Variants in TAF2 observed in about 807,000 individuals in gnomAD.
TAF2 encodes the protein TATA-box binding protein associated factor 2.
A neutral mutation model predicts 138.5 loss-of-function variants in TAF2; 61 were observed. The ratio of observed to expected loss-of-function variants is 0.44; its 90% CI spans 0.36 to 0.54. The LOEUF (loss-of-function observed/expected upper bound fraction) is 0.54, where lower values mean the gene tolerates loss of function less well. Ranked by LOEUF, TAF2 falls within the 20% of genes least tolerant of loss-of-function variation. TAF2 has a pLI of 0.00. For synonymous variants in TAF2, 475 were observed against 469.9 expected, an observed-to-expected ratio of 1.01 and a Z score of -0.14; for missense variants, 1,090 against 1,427.9, an observed-to-expected ratio of 0.76 and a Z score of 3.81.
Position 119,797,111 on chromosome 8 carries a change from T to G in TAF2, c.978-8A>C, listed in dbSNP as rs747656110. 7.0e-6 allele frequency: 11 copies of G among 1,581,846 alleles called. No individual in the cohort carries two copies. Among genetic ancestry groups the G allele is most frequent in the Middle Eastern group, 1.7e-4 (1 of 6,014 alleles). ...CTGTGTAAAAGATTTGTGCTGGAAT[T>G]TAAAAGAGAAGAAAGCTCATTATAA... On this transcript the variant is annotated splice_polypyrimidine_tract_variant and splice_region_variant and intron_variant, in intron 7 of 25. Coordinates refer to ENST00000378164, the MANE Select transcript of TAF2 (RefSeq NM_003184.4).
In TAF2 at chr8:119,779,176, T is replaced by C. The variant is rs1295237505; in HGVS notation, c.2254-1047A>G. 2.6e-5 allele frequency among the ~76,000 whole-genome samples: 4 copies of C among 152,002 alleles called. No homozygotes were observed. The East Asian group carries it at 7.7e-4, about 29-fold the overall frequency. On this transcript the variant is annotated intron_variant, in intron 17 of 25. Coordinates refer to ENST00000378164, the MANE Select transcript of TAF2 (RefSeq NM_003184.4). ...AAGTATTATCAGAAAGGTGAATTGG[T>C]ATAAAAGCACTGACTTTCCAATTTT...
At chr8:119,831,138 T>A (rs1826419327) in intron 2 of TAF2, among the ~76,000 whole-genome samples, 1 of 152,086 alleles carries the variant, frequency 6.6e-6, no homozygotes, top group Non-Finnish European at 1.5e-5. Flanking sequence ...AAAACTTGAA[T>A]GTTCAAGCTT....
chr8:119,814,981 C>T (rs1010996269), intron 3 of TAF2, among the ~76,000 whole-genome samples: 2 of 151,608 alleles, frequency 1.3e-5, no homozygotes, highest in Non-Finnish European at 2.9e-5. Context: ...GTGGCTCACG[C>T]CTGTAATCCC....
Position 119,788,790 on chromosome 8 carries a change from C to A in TAF2, c.1683G>T (p.Val561=), listed in dbSNP as rs1308333015. ...AAGGCGATTTTGGAAAAAGACTTAC[C>A]ACGTATTTCTGAGTTCCAGGAGATG... ...DYTSPGTQKY[V]GPLKVTVQEL... is the part of the protein sequence containing the mutation. Residue 561 remains valine, a splice_region_variant and synonymous_variant, in exon 13 of 26, where the codon GTG becomes GTT. Coordinates refer to ENST00000378164, the MANE Select transcript of TAF2 (RefSeq NM_003184.4). The A allele has an allele frequency of 6.2e-7, 1 of 1,609,014 alleles. No individual in the cohort carries two copies. The highest frequency in any genetic ancestry group is 1.1e-5 in the South Asian group (1 of 90,942).
chr8:119,740,440 G>T lies in TAF2; in HGVS notation c.3337+2094C>A, dbSNP rs900054581. On this transcript the variant is annotated intron_variant, in intron 25 of 25. Transcript: ENST00000378164. ...GAGGCTGAGGCTGGTGATCACTTGAGGCCAGGAGTTTGAGATGAGCCTGGC... is the reference window on the plus strand; with the variant it reads ...GAGGCTGAGGCTGGTGATCACTTGATGCCAGGAGTTTGAGATGAGCCTGGC... Among the ~76,000 whole-genome samples the T allele has an allele frequency of 2.0e-5, 3 of 149,778 alleles. No homozygotes were observed. In the South Asian group the frequency reaches 6.4e-4, roughly 32 times the overall value.
At chr8:119,790,893 C>T (rs1052678498) in intron 11 of TAF2, among the ~76,000 whole-genome samples, 2 of 152,004 alleles carry the variant, frequency 1.3e-5, no homozygotes, top group African/African-American at 4.8e-5. Flanking sequence ...ACCTCCTGGA[C>T]TCAAGCAATC....
Position 119,806,413 on chromosome 8 carries a change from A to G in TAF2, c.300-12T>C, listed in dbSNP as rs1327354224. ...AATTGAGGTTTCTCCTGGGGAAAAA[A>G]AAGAGCCAACTTTTAATAATAAGCC... On this transcript the variant is annotated splice_polypyrimidine_tract_variant and intron_variant, in intron 3 of 25. Transcript: ENST00000378164. 6.3e-7 allele frequency: 1 copy of G among 1,599,358 alleles called. No individual in the cohort carries two copies. The highest frequency in any genetic ancestry group is 8.6e-7 in the Non-Finnish European group (1 of 1,166,926).
intron 23 of TAF2, chr8:119,745,147 G>C: frequency 5.3e-6 from 2 of 375,976 alleles, no homozygotes; most frequent in Non-Finnish European, 5.3e-6. Flanking sequence ...CCCAGTGCTA[G>C]AAATTATCAG....
In TAF2 at chr8:119,731,641, T is replaced by A; in HGVS notation, c.*283A>T. ...CCATGATGCGAACGGGGACTGCCAG[T>A]GGATATGAGGGCTTTTATGAAAGGG... On this transcript the variant is annotated 3_prime_UTR_variant, in exon 26 of 26. Coordinates refer to ENST00000378164, the MANE Select transcript of TAF2 (RefSeq NM_003184.4). The A allele has an allele frequency of 2.3e-6, 1 of 432,960 alleles. No homozygotes were observed. The allele number at this position is 432,960 out of a possible 1,614,324, so 26.8% of individuals were successfully genotyped here.
At chr8:119,813,038 AATTTACATTCT>A (rs1018130003) in intron 3 of TAF2, among the ~76,000 whole-genome samples, 1 of 152,180 alleles carries the variant, frequency 6.6e-6, no homozygotes, top group Non-Finnish European at 1.5e-5. Context: ...AGCTTGTACT[AATTTACATTCT>A]CACCAGCAGT....
intron 14 of TAF2, among the ~76,000 whole-genome samples, chr8:119,786,520 T>A (rs1391551244): frequency 6.6e-6 from 1 of 152,160 alleles, no homozygotes; most frequent in Non-Finnish European, 1.5e-5. Flanking sequence ...AAAATTCTTA[T>A]AAAAATGTCA....
At chr8:119,817,330 C>G (rs1361427637) in intron 3 of TAF2, among the ~76,000 whole-genome samples, 1 of 152,130 alleles carries the variant, frequency 6.6e-6, no homozygotes. Context: ...CCTGTCAGAT[C>G]ACCAGCAGCA....
At chr8:119,829,573 A>T (rs1472850805) in intron 2 of TAF2, among the ~76,000 whole-genome samples, 1 of 151,962 alleles carries the variant, frequency 6.6e-6, no homozygotes, top group Non-Finnish European at 1.5e-5. Flanking sequence ...ATATATACAC[A>T]TACATATATG....
intron 18 of TAF2, among the ~76,000 whole-genome samples, chr8:119,769,329 C>T (rs1014043459): frequency 6.6e-6 from 1 of 152,126 alleles, no homozygotes; most frequent in East Asian, 1.9e-4. Flanking sequence ...CCCATCCAAA[C>T]GAAAGTAAAT....
intron 18 of TAF2, among the ~76,000 whole-genome samples, chr8:119,771,714 A>G (rs1396297356): frequency 6.6e-6 from 1 of 152,198 alleles, no homozygotes; most frequent in Admixed American, 6.5e-5. Flanking sequence ...ACACCTAAGA[A>G]GAGATTGACA....
chr8:119,797,151 C>T (rs776517249), intron 7 of TAF2, 48 bp from the exon 8 acceptor site: 2 of 1,264,722 alleles, frequency 1.6e-6, no homozygotes, highest in East Asian at 4.7e-5. Flanking sequence ...GAAATAAATA[C>T]TTATTCAGTG....
intron 9 of TAF2, among the ~76,000 whole-genome samples, chr8:119,793,786 G>T (rs903108909): frequency 6.6e-6 from 1 of 151,096 alleles, no homozygotes; most frequent in Middle Eastern, 3.4e-3. Context: ...AAATTTAGGC[G>T]AGTAAAAAGG....
At chr8:119,778,333 A>T (rs899488134) in intron 17 of TAF2, among the ~76,000 whole-genome samples, 2 of 152,202 alleles carry the variant, frequency 1.3e-5, no homozygotes, top group African/African-American at 4.8e-5. Context: ...CAGGAAACTA[A>T]GGGAAGAGTT....
chr8:119,801,869 G>C lies in TAF2; in HGVS notation c.717C>G (p.Thr239=), dbSNP rs1181589321. 6.2e-7 allele frequency: 1 copy of C among 1,614,044 alleles called. No homozygotes were observed. Among genetic ancestry groups the C allele is most frequent in the African/African-American group, 1.3e-5 (1 of 74,922 alleles). ...AGATATTTGACGCTGCTGTAGGAAT[G>C]GTAAGCATATAATGGAAAGTTTTCT... ...MRKKTFHYML[T]IPTAASNISL... is the part of the protein sequence containing the mutation. Residue 239 remains threonine, a synonymous_variant, in exon 6 of 26, where the codon ACC becomes ACG. Transcript: ENST00000378164.
Sources: allele counts gnomAD v4.1 joint callset (sites outside exome capture counted in the v4.1 genomes callset), GRCh38; gene constraint gnomAD v4.1.1; transcripts MANE v1.5; gene names NCBI Gene and HGNC (gene_info 2026-07-23, HGNC 2026-07-21).